PEBP4: variants seen among roughly 807,000 people sequenced by gnomAD.
PEBP4 encodes the protein phosphatidylethanolamine-binding protein 4.
A neutral mutation model predicts 23.9 loss-of-function variants in PEBP4; 22 were observed. The observed-to-expected ratio is 0.92, with a 90% CI of 0.66 to 1.31. The LOEUF (loss-of-function observed/expected upper bound fraction) is 1.31, where lower values mean the gene tolerates loss of function less well. Ranked by LOEUF, PEBP4 falls within the 40% of genes most tolerant of loss-of-function variation. The pLI, the probability that PEBP4 is intolerant of heterozygous loss-of-function variation, is 0.00. For synonymous variants in PEBP4, 112 were observed against 99.3 expected (o/e 1.13, Z -0.76); for missense variants, 324 against 281.7 (o/e 1.15, Z -1.07).
At chr8:22,776,984 TG>T (rs1203630411) in intron 4 of PEBP4, among the ~76,000 whole-genome samples, 1 of 151,346 alleles carries the variant, frequency 6.6e-6, no homozygotes, top group Non-Finnish European at 1.5e-5. Context: ...GGTGGGGACA[TG>T]GGAAGGGCAC....
At position 22,799,648 on chromosome 8, in the gene PEBP4, C is replaced by T. The variant is rs944301183; in HGVS notation, c.357+17989G>A. ...ATACATGTGCCATGTTGGTGTGCTG[C>T]ACCCATTAACTCGTCATTTACATTA... On this transcript the variant is annotated intron_variant, in intron 4 of 6. Transcript: ENST00000256404. Among the ~76,000 whole-genome samples the T allele has an allele frequency of 2.1e-4, 32 of 152,216 alleles. 1 individual carries two copies. The highest frequency in any genetic ancestry group is 1.5e-5 in the Non-Finnish European group (1 of 68,034).
intron 4 of PEBP4, among the ~76,000 whole-genome samples, chr8:22,730,098 T>C (rs1022179574): frequency 4.3e-4 from 65 of 152,338 alleles, no homozygotes; most frequent in African/African-American, 1.4e-3. Flanking sequence ...TCCTGTGCTC[T>C]TTCTGTGACA....
rs1806090859 is a variant in PEBP4 at position 22,789,346 on chromosome 8, G to A, written c.357+28291C>T. On this transcript the variant is annotated intron_variant, in intron 4 of 6. Transcript: ENST00000256404. Reference sequence around the variant, plus strand: ...CGTCGGGCCCAACCTCGCTTTTTTTGAGACGAAGAAATTCAAGCTCCTAGG... The same window carrying A: ...CGTCGGGCCCAACCTCGCTTTTTTTAAGACGAAGAAATTCAAGCTCCTAGG... Among the ~76,000 whole-genome samples, 4 of 152,182 alleles carry A rather than the reference G, an allele frequency of 2.6e-5. No homozygotes were observed. The South Asian group carries it at 8.3e-4, about 32-fold the overall frequency.
chr8:22,915,154 C>T (rs1809047126), intron 3 of PEBP4, among the ~76,000 whole-genome samples: 1 of 152,104 alleles, frequency 6.6e-6, no homozygotes, highest in Non-Finnish European at 1.5e-5. Context: ...CATGCCATCA[C>T]CTAGGTTGCA....
At chr8:22,860,720 C>T (rs1020141843) in intron 3 of PEBP4, among the ~76,000 whole-genome samples, 2 of 152,216 alleles carry the variant, frequency 1.3e-5, no homozygotes, top group African/African-American at 2.4e-5. Flanking sequence ...CCCTCCGTTA[C>T]AAGTTAGTCA....
At chr8:22,778,342 C>T (rs1020952151) in intron 4 of PEBP4, among the ~76,000 whole-genome samples, 1 of 151,974 alleles carries the variant, frequency 6.6e-6, no homozygotes, top group Admixed American at 6.6e-5. Flanking sequence ...AGATGCCCCA[C>T]TTAGTCCTCT....
chr8:22,857,472 T>C (rs1245885659), intron 3 of PEBP4, among the ~76,000 whole-genome samples: 4 of 152,206 alleles, frequency 2.6e-5, no homozygotes, highest in Non-Finnish European at 5.9e-5. Flanking sequence ...GCACAGTATA[T>C]TCTGGCTTTT....
At chr8:22,896,193 T>C (rs933047814) in intron 3 of PEBP4, 1 of 152,250 alleles carries the variant, frequency 6.6e-6, no homozygotes, top group Non-Finnish European at 1.5e-5. Flanking sequence ...GAATGGAGCT[T>C]GGACAATCAC....
At chr8:22,762,011 C>G (rs1338512787) in intron 4 of PEBP4, among the ~76,000 whole-genome samples, 1 of 151,990 alleles carries the variant, frequency 6.6e-6, no homozygotes, top group Non-Finnish European at 1.5e-5. Context: ...CCACAAGCCC[C>G]CTTTTCCAAA....
At chr8:22,739,763 C>T (rs778131973) in intron 4 of PEBP4, among the ~76,000 whole-genome samples, 44 of 152,306 alleles carry the variant, frequency 2.9e-4, no homozygotes, top group Non-Finnish European at 5.7e-4. Context: ...AATGGCCCCT[C>T]AGCCCCTGAC....
At chr8:22,774,719 G>T (rs1805781337) in intron 4 of PEBP4, among the ~76,000 whole-genome samples, 1 of 152,152 alleles carries the variant, frequency 6.6e-6, no homozygotes, top group Admixed American at 6.5e-5. Flanking sequence ...AGCCGCTCTG[G>T]CCCAGCCGTC....
intron 3 of PEBP4, among the ~76,000 whole-genome samples, chr8:22,881,820 G>A (rs1808264433): frequency 6.6e-6 from 1 of 152,218 alleles, no homozygotes; most frequent in African/African-American, 2.4e-5. Context: ...TACTACTTGT[G>A]TGGCCGTGAG....
chr8:22,795,143 GTATATATATA>G (rs1206085493), intron 4 of PEBP4, among the ~76,000 whole-genome samples: 1 of 49,926 alleles, frequency 2.0e-5, no homozygotes, highest in Non-Finnish European at 3.4e-5. Flanking sequence ...ATGTGTGTGT[GTATATATATA>G]TATATATATA....
At chr8:22,903,799 C>A (rs541564641) in intron 3 of PEBP4, among the ~76,000 whole-genome samples, 2 of 152,354 alleles carry the variant, frequency 1.3e-5, no homozygotes, top group South Asian at 4.1e-4. Flanking sequence ...GCCCTTGCAA[C>A]TGGGCCAGGG....
intron 3 of PEBP4, among the ~76,000 whole-genome samples, chr8:22,912,910 C>T (rs1190372563): frequency 6.6e-6 from 1 of 152,182 alleles, no homozygotes; most frequent in Non-Finnish European, 1.5e-5. Flanking sequence ...GCCCTCCTCA[C>T]CTGCCTTCCC....
chr8:22,767,520 C>T (rs368662919), intron 4 of PEBP4, among the ~76,000 whole-genome samples: 26 of 152,262 alleles, frequency 1.7e-4, no homozygotes, highest in African/African-American at 5.3e-4. Flanking sequence ...GTGATTCCTA[C>T]GATAGAATAC....
chr8:22,742,785 G>A (rs1198844994), intron 4 of PEBP4, among the ~76,000 whole-genome samples: 2 of 152,088 alleles, frequency 1.3e-5, no homozygotes, highest in East Asian at 1.9e-4. Context: ...TTTCCACCCC[G>A]GTTCATACAT....
chr8:22,723,204 G>A (rs1389334794), intron 6 of PEBP4, among the ~76,000 whole-genome samples: 1 of 152,146 alleles, frequency 6.6e-6, no homozygotes, highest in Admixed American at 6.5e-5. Context: ...TTCAGGCCCA[G>A]CGCGTTTTGG....
At chr8:22,793,959 A>AT (rs35563433) in intron 4 of PEBP4, among the ~76,000 whole-genome samples, 2 of 152,164 alleles carry the variant, frequency 1.3e-5, no homozygotes, top group African/African-American at 4.8e-5. Context: ...TTATTTATTT[A>AT]TTTTTTTAAA....
Sources: allele counts gnomAD v4.1 joint callset (sites outside exome capture counted in the v4.1 genomes callset), GRCh38; gene constraint gnomAD v4.1.1; transcripts MANE v1.5; gene names NCBI Gene and HGNC (gene_info 2026-07-23, HGNC 2026-07-21).